Variants in SF3B2 observed in about 807,000 individuals in gnomAD.
SF3B2 encodes the protein splicing factor 3b subunit 2, also known as SAP 145.
In SF3B2, 22 loss-of-function variants were observed where a neutral mutation model predicts 116.3. The observed-to-expected ratio is 0.19, with a 90% CI of 0.14 to 0.27. The LOEUF (loss-of-function observed/expected upper bound fraction) is 0.27, where lower values mean the gene tolerates loss of function less well. Among genes scored for constraint, SF3B2 ranks in the 10% least tolerant of loss-of-function variants. The pLI, the probability that SF3B2 is intolerant of heterozygous loss-of-function variation, is 1.00. For missense variants in SF3B2, 767 were observed against 1,151.4 expected (o/e 0.67, Z 4.83); for synonymous variants, 406 against 421.6 (o/e 0.96, Z 0.45).
Position 66,058,124 on chromosome 11 carries a change from G to A in SF3B2, c.848G>A (p.Arg283His), listed in dbSNP as rs760567670. Residue 283 changes from arginine (R) to histidine (H), a missense_variant, in exon 8 of 22, where the codon CGC (arginine) becomes CAC (histidine). Arg to His is a conservative substitution (Grantham distance 29). Transcript: ENST00000322535. ...LEKILQLKESRQEEMNSQQEE... is the reference protein window; with the variant it reads ...LEKILQLKESHQEEMNSQQEE... The stretch of plus-strand genomic sequence containing the variant: ...AAGATCCTGCAGCTGAAGGAGAGCC[G>A]CCAGGAAGAGATGAATTCTCAGCAG... 9 of 1,608,862 alleles carry A rather than the reference G, an allele frequency of 5.6e-6. No homozygotes were observed. The highest frequency in any genetic ancestry group is 1.7e-5 in the Admixed American group (1 of 59,078).
chr11:66,053,247 G>T lies in SF3B2; in HGVS notation c.258+143G>T, dbSNP rs1188511478. 6.4e-6 allele frequency: 5 copies of T among 786,438 alleles called. No homozygotes were observed. The East Asian group carries it at 7.4e-5, about 12-fold the overall frequency. The allele number at this position is 786,438 out of a possible 1,614,324, so 48.7% of individuals were successfully genotyped here. ...CCTGACCTGAGTGGGGAAAAAAAAA[G>T]ATTCCATATGTTCAGGGTAGCCCTT... On this transcript the variant is annotated intron_variant, in intron 3 of 21. Transcript: ENST00000322535.
At chr11:66,064,962 T>C (rs78229285) in intron 19 of SF3B2, 1 of 152,174 alleles carries the variant, frequency 6.6e-6, no homozygotes, top group African/African-American at 2.4e-5. Flanking sequence ...CAATCTTTTT[T>C]CTTTCAACAC....
At chr11:66,053,181 C>A in intron 3 of SF3B2, 77 bp downstream of exon 3, 2 of 1,353,360 alleles carry the variant, frequency 1.5e-6, no homozygotes, top group South Asian at 1.2e-5. Flanking sequence ...ATTGGGTGTT[C>A]ACGTGCATGT....
At chr11:66,056,618 G>C (rs1856999400) in intron 5 of SF3B2, among the ~76,000 whole-genome samples, 1 of 152,122 alleles carries the variant, frequency 6.6e-6, no homozygotes, top group South Asian at 2.1e-4. Flanking sequence ...GTTTCCTGGG[G>C]TTTTCCTTGG....
intron 13 of SF3B2, among the ~76,000 whole-genome samples, 174 bp from the exon 14 acceptor site, chr11:66,060,408 G>A (rs1407733732): frequency 6.6e-6 from 1 of 152,178 alleles, no homozygotes; most frequent in Non-Finnish European, 1.5e-5. Flanking sequence ...TGTATAGTCT[G>A]TTTTGTTCAG....
At chr11:66,065,838 T>C (rs1857173551) in intron 19 of SF3B2, 1 of 152,202 alleles carries the variant, frequency 6.6e-6, no homozygotes, top group Admixed American at 6.5e-5. Context: ...TTTTTGAACA[T>C]GTGGAATGCA....
chr11:66,060,157 C>T (rs1208546503), intron 13 of SF3B2, 148 bp downstream of exon 13: 1 of 741,570 alleles, frequency 1.3e-6, no homozygotes, highest in South Asian at 1.8e-5. Flanking sequence ...TCTGCTCTTC[C>T]TCCCCTCTGC....
Position 66,056,945 on chromosome 11 carries a change from G to C in SF3B2, c.657G>C (p.Leu219=). 1 of 1,612,644 alleles carries C rather than the reference G, an allele frequency of 6.2e-7. No homozygotes were observed. The highest frequency in any genetic ancestry group is 8.5e-7 in the Non-Finnish European group (1 of 1,178,668). ...DMGQIGVRTP[L]GPRVAAPVGP... Reference sequence around the variant, plus strand: ...GCCAGATTGGTGTGCGCACTCCTCTGGGTCCTCGAGGTGAGACCCTGGAAC... The same window carrying C: ...GCCAGATTGGTGTGCGCACTCCTCTCGGTCCTCGAGGTGAGACCCTGGAAC... Residue 219 remains leucine (L), a synonymous_variant, in exon 6 of 22, where the codon CTG becomes CTC. Coordinates refer to ENST00000322535, the MANE Select transcript of SF3B2 (RefSeq NM_006842.3).
At position 66,061,686 on chromosome 11, in the gene SF3B2, G is replaced by C; in HGVS notation, c.1780G>C (p.Gly594Arg). 6.2e-7 allele frequency: 1 copy of C among 1,613,262 alleles called. No homozygotes were observed. The highest frequency in any genetic ancestry group is 1.3e-5 in the African/African-American group (1 of 75,006). ...LTIHGDLYYE[G>R]KEFETRLKEK... ...GTAGCATGCTCTGCTTTTCCCTCAG[G>C]GGAAGGAGTTCGAGACACGACTGAA... Residue 594 changes from glycine to arginine, a missense_variant and splice_region_variant, in exon 15 of 22, where the codon GGG (glycine) becomes CGG (arginine). Coordinates refer to ENST00000322535, the MANE Select transcript of SF3B2 (RefSeq NM_006842.3).
intron 4 of SF3B2, 81 bp from the exon 5 acceptor site, chr11:66,055,454 A>G (rs1590709080): frequency 3.8e-6 from 6 of 1,598,592 alleles, no homozygotes; most frequent in Non-Finnish European, 5.1e-6. Context: ...CTTGACTGGA[A>G]GAGGATCTCA....
At chr11:66,060,789 CT>C in intron 14 of SF3B2, 58 bp downstream of exon 14, 69 of 1,543,082 alleles carry the variant, frequency 4.5e-5, no homozygotes, top group Non-Finnish European at 5.0e-5. Context: ...CTGTCTAGGG[CT>C]TTTTTTTGTT....
chr11:66,061,085 C>T (rs954284311), intron 14 of SF3B2, among the ~76,000 whole-genome samples: 3 of 152,158 alleles, frequency 2.0e-5, no homozygotes, highest in Admixed American at 6.5e-5. Flanking sequence ...CATGAACCAC[C>T]GCACCTGGCC....
intron 13 of SF3B2, 82 bp downstream of exon 13, chr11:66,060,091 T>G: frequency 8.1e-7 from 1 of 1,241,804 alleles, no homozygotes; most frequent in Non-Finnish European, 1.1e-6. Context: ...GAATCTGGTT[T>G]GAAACCCACC....
At position 66,053,228 on chromosome 11, in the gene SF3B2, C is replaced by T. The variant is rs1214311447; in HGVS notation, c.258+124C>T. 4.4e-6 allele frequency: 4 copies of T among 907,336 alleles called. No individual in the cohort carries two copies. The African/African-American group carries it at 5.0e-5, about 11-fold the overall frequency. The allele number at this position is 907,336 out of a possible 1,614,324, so 56.2% of individuals were successfully genotyped here. On this transcript the variant is annotated intron_variant, in intron 3 of 21. Coordinates refer to ENST00000322535, the MANE Select transcript of SF3B2 (RefSeq NM_006842.3). ...CACCCTTGCACATTACTCGCCTGACCTGAGTGGGGAAAAAAAAAGATTCCA... is the reference window on the plus strand; with the variant it reads ...CACCCTTGCACATTACTCGCCTGACTTGAGTGGGGAAAAAAAAAGATTCCA...
In SF3B2 at chr11:66,056,941, C is replaced by T. The variant is rs762287638; in HGVS notation, c.653C>T (p.Pro218Leu). ...ATGGGCCAGATTGGTGTGCGCACTCCTCTGGGTCCTCGAGGTGAGACCCTG... is the reference window on the plus strand; with the variant it reads ...ATGGGCCAGATTGGTGTGCGCACTCTTCTGGGTCCTCGAGGTGAGACCCTG... ...QDMGQIGVRT[P>L]LGPRVAAPVG... The change falls in exon 6 of 22, where the codon CCT (proline) becomes CTT (leucine). Residue 218 changes from proline (P) to leucine (L), a missense_variant. By Grantham distance (98) the Pro-to-Leu change is moderately conservative. Transcript: ENST00000322535. The T allele has an allele frequency of 6.2e-7, 1 of 1,613,446 alleles. No individual in the cohort carries two copies. Among genetic ancestry groups the T allele is most frequent in the Non-Finnish European group, 8.5e-7 (1 of 1,179,386 alleles).
At chr11:66,055,761 C>T (rs544366719) in intron 5 of SF3B2, 176 bp downstream of exon 5, 41 of 611,834 alleles carry the variant, frequency 6.7e-5, no homozygotes, top group Non-Finnish European at 1.1e-4. Flanking sequence ...AAACTATGAC[C>T]TGTGGCCTGC....
chr11:66,058,175 G>A, intron 8 of SF3B2, 25 bp downstream of exon 8: 4 of 1,592,966 alleles, frequency 2.5e-6, no homozygotes, highest in Non-Finnish European at 3.4e-6. Flanking sequence ...TTCTGATGCT[G>A]TAGCCACAGA....
intron 19 of SF3B2, chr11:66,067,238 G>T (rs1200669361): frequency 2.8e-6 from 1 of 361,108 alleles, no homozygotes; most frequent in Non-Finnish European, 5.4e-6. Context: ...GTATAGTGAG[G>T]AGGGCTTGGG....
At position 66,052,426 on chromosome 11, in the gene SF3B2, G is replaced by T. The variant is rs759397683; in HGVS notation, c.42G>T (p.Gln14His). 6.2e-7 allele frequency: 1 copy of T among 1,613,154 alleles called. No individual in the cohort carries two copies. The highest frequency in any genetic ancestry group is 2.2e-5 in the East Asian group (1 of 44,808). ...CCGAGCCTCCCAAAGCAGAATTGCA[G>T]CTGCCGCCGCCGCCACCTCCAGGCC... The part of the protein sequence containing the change: ...EHPEPPKAEL[Q>H]LPPPPPPGHY... Residue 14 changes from glutamine to histidine, a missense_variant, in exon 1 of 22, where the codon CAG becomes CAT. Transcript: ENST00000322535.
Sources: gnomAD v4.1 joint callset for allele counts (sites outside exome capture counted in the v4.1 genomes callset) on GRCh38, gnomAD v4.1.1 for gene constraint, MANE v1.5 for transcripts, NCBI Gene and HGNC (gene_info 2026-07-23, HGNC 2026-07-21) for gene names.